TNC: variants seen among roughly 807,000 people sequenced by gnomAD.
The protein encoded by TNC is tenascin.
TNC carries 109 observed loss-of-function variants against 202.4 expected under a neutral mutation model. The ratio of observed to expected loss-of-function variants is 0.54; its 90% CI spans 0.46 to 0.63. TNC has a LOEUF of 0.63. Among genes scored for constraint, TNC ranks in the 30% least tolerant of loss-of-function variants. The pLI is 0.00. For missense variants in TNC, 2,756 were observed against 2,833.3 expected, an observed-to-expected ratio of 0.97 and a Z score of 0.62; for synonymous variants, 1,007 against 1,089.7, an observed-to-expected ratio of 0.92 and a Z score of 1.50.
At chr9:115,024,171 T>G in intron 26 of TNC, 35 bp from the exon 27 acceptor site, 1 of 1,602,556 alleles carries the variant, frequency 6.2e-7, no homozygotes, top group Non-Finnish European at 8.5e-7. Flanking sequence ...CTGAGAAATC[T>G]CAGCTGAAAT....
intron 6 of TNC, among the ~76,000 whole-genome samples, chr9:115,081,333 C>T (rs1834286220): frequency 6.6e-6 from 1 of 152,168 alleles, no homozygotes; most frequent in Admixed American, 6.5e-5. Flanking sequence ...TTTTGAAACT[C>T]CTTTCATCAA....
At position 115,043,202 on chromosome 9, in the gene TNC, TC is replaced by T. The variant is rs747898750; in HGVS notation, c.5126-862del. On this transcript the variant is annotated intron_variant, in intron 17 of 27. Transcript: ENST00000350763. The stretch of plus-strand genomic sequence containing the variant: ...ATTTTCAGGCTCTAGGGAACTCACT[TC>T]CTCATCTTTTCCCCTCTCCAACCCA... Among the ~76,000 whole-genome samples, 20 of 152,270 alleles carry T rather than the reference TC, an allele frequency of 1.3e-4. No individual in the cohort carries two copies. In the East Asian group the frequency reaches 3.5e-3, roughly 26 times the overall value.
At chr9:115,077,186 C>G (rs1318032800) in intron 7 of TNC, among the ~76,000 whole-genome samples, 1 of 152,244 alleles carries the variant, frequency 6.6e-6, no homozygotes, top group Admixed American at 6.5e-5. Flanking sequence ...CAGCCTGTAG[C>G]TGGGACTACA....
chr9:115,064,503 C>A (rs1025279612), intron 11 of TNC, 144 bp downstream of exon 11: 2 of 1,080,790 alleles, frequency 1.9e-6, no homozygotes, highest in Non-Finnish European at 2.7e-6. Context: ...GGTTCTGTAG[C>A]GTGATGGCCT....
At chr9:115,081,032 T>A (rs565204015) in intron 6 of TNC, among the ~76,000 whole-genome samples, 18 of 152,186 alleles carry the variant, frequency 1.2e-4, no homozygotes, top group Non-Finnish European at 2.5e-4. Flanking sequence ...AAATTTTATT[T>A]AGGTTCCCAT....
rs1329926123 is a variant in TNC at position 115,090,731 on chromosome 9, G to T, written c.288C>A (p.Asn96Lys). 1.2e-6 allele frequency: 2 copies of T among 1,614,098 alleles called. No individual in the cohort carries two copies. Among genetic ancestry groups the T allele is most frequent in the Admixed American group, 1.7e-5 (1 of 60,006 alleles). Residue 96 changes from asparagine (N) to lysine (K), a missense_variant, in exon 2 of 28, where the codon AAC becomes AAA. Asn to Lys is a moderately conservative substitution (Grantham distance 94). Coordinates refer to ENST00000350763, the MANE Select transcript of TNC (RefSeq NM_002160.4). ...SFQEHTVDGE[N>K]QIVFTHRINI... Reference sequence around the variant, plus strand: ...TGATGCGATGTGTGAAGACAATCTGGTTTTCCCCATCCACTGTGTGCTCCT... The same window carrying T: ...TGATGCGATGTGTGAAGACAATCTGTTTTTCCCCATCCACTGTGTGCTCCT...
At chr9:115,115,828 T>C (rs1057426969) in intron 1 of TNC, among the ~76,000 whole-genome samples, 1 of 152,220 alleles carries the variant, frequency 6.6e-6, no homozygotes, top group Non-Finnish European at 1.5e-5. Flanking sequence ...GTGTAAGTTT[T>C]AGACCTTGTG....
intron 15 of TNC, among the ~76,000 whole-genome samples, chr9:115,053,447 A>G (rs182073762): frequency 6.6e-6 from 1 of 152,338 alleles, no homozygotes; most frequent in African/African-American, 2.4e-5. Context: ...AACACCGAAT[A>G]TTATGTCTTA....
intron 15 of TNC, among the ~76,000 whole-genome samples, chr9:115,053,528 T>A (rs896851736): frequency 6.6e-6 from 1 of 152,268 alleles, no homozygotes; most frequent in South Asian, 2.1e-4. Flanking sequence ...TAAACCTGTT[T>A]AATTTTGTTT....
chr9:115,035,163 G>T, intron 22 of TNC, 41 bp downstream of exon 22: 1 of 1,546,516 alleles, frequency 6.5e-7, no homozygotes, highest in Non-Finnish European at 8.7e-7. Flanking sequence ...TCATGCAAAT[G>T]CTTCAACTAG....
At chr9:115,075,819 T>C (rs561197640) in intron 9 of TNC, among the ~76,000 whole-genome samples, 75 of 152,204 alleles carry the variant, frequency 4.9e-4, no homozygotes, top group Non-Finnish European at 7.4e-4. Flanking sequence ...AAATCCCCAG[T>C]CCCCTTTTCC....
At chr9:115,057,010 T>C in intron 15 of TNC, 143 bp downstream of exon 15, 2 of 960,506 alleles carry the variant, frequency 2.1e-6, no homozygotes, top group Admixed American at 3.1e-5. Context: ...AAAAGAGTTA[T>C]GTTAAACAGC....
intron 17 of TNC, among the ~76,000 whole-genome samples, chr9:115,045,589 C>T (rs1274184666): frequency 1.4e-5 from 2 of 141,452 alleles, no homozygotes; most frequent in Non-Finnish European, 3.0e-5. Context: ...ACTATGTTGC[C>T]TAGGCTGGTC....
Position 115,026,621 on chromosome 9 carries a change from T to A in TNC, c.6244A>T (p.Thr2082Ser). 6.2e-7 allele frequency: 1 copy of A among 1,613,964 alleles called. No homozygotes were observed. Among genetic ancestry groups the A allele is most frequent in the Non-Finnish European group, 8.5e-7 (1 of 1,179,980 alleles). The stretch of plus-strand genomic sequence containing the variant: ...AACTTGTCATAGACAGCAAAGGCTG[T>A]CTCCCCATGGTCCCGCAGGTCCACC... ...LRVDLRDHGE[T>S]AFAVYDKFSV... Residue 2082 changes from threonine to serine, a missense_variant, in exon 26 of 28, where the codon ACA becomes TCA. Physicochemically the swap from Thr to Ser is moderately conservative, Grantham distance 58. Coordinates refer to ENST00000350763, the MANE Select transcript of TNC (RefSeq NM_002160.4).
In TNC at chr9:115,090,823, C is replaced by T; in HGVS notation, c.196G>A (p.Val66Met). ...IKLPVGSQCS[V>M]DLESASGEKD... is the part of the protein sequence containing the mutation. The stretch of plus-strand genomic sequence containing the variant: ...TCCCCACTGGCTGACTCCAGATCCA[C>T]CGAACACTGGGATCCCACTGGCAGC... The change falls in exon 2 of 28, where the codon GTG becomes ATG. Residue 66 changes from valine (V) to methionine (M), a missense_variant. Val to Met is a conservative substitution (Grantham distance 21). Coordinates refer to ENST00000350763, the MANE Select transcript of TNC (RefSeq NM_002160.4). 1.9e-6 allele frequency: 3 copies of T among 1,614,204 alleles called. No individual in the cohort carries two copies. Among genetic ancestry groups the T allele is most frequent in the Non-Finnish European group, 8.5e-7 (1 of 1,180,018 alleles).
intron 15 of TNC, among the ~76,000 whole-genome samples, chr9:115,049,447 A>G (rs150176621): frequency 6.4e-4 from 97 of 152,248 alleles, no homozygotes; most frequent in African/African-American, 2.2e-3. Context: ...ATCTAAAAAA[A>G]CCAGAGAGGT....
intron 18 of TNC, 33 bp downstream of exon 18, chr9:115,042,186 T>G (rs1387578059): frequency 4.4e-6 from 7 of 1,607,554 alleles, no homozygotes; most frequent in Non-Finnish European, 5.9e-6. Context: ...CCCACAACAC[T>G]CCTCCTCTCT....
At chr9:115,079,331 C>T (rs1009957959) in intron 6 of TNC, among the ~76,000 whole-genome samples, 1 of 151,716 alleles carries the variant, frequency 6.6e-6, no homozygotes, top group Non-Finnish European at 1.5e-5. Context: ...TAATTTACAG[C>T]AGATTGTGAG....
At chr9:115,036,019 C>T in intron 21 of TNC, 79 bp downstream of exon 21, 1 of 1,554,718 alleles carries the variant, frequency 6.4e-7, no homozygotes, top group Non-Finnish European at 8.8e-7. Flanking sequence ...GAAGAACTGG[C>T]TAGCGGTTCC....
Sources: allele counts gnomAD v4.1 joint callset (sites outside exome capture counted in the v4.1 genomes callset), GRCh38; gene constraint gnomAD v4.1.1; transcripts MANE v1.5; gene names NCBI Gene and HGNC (gene_info 2026-07-23, HGNC 2026-07-21).